Variants in SOX5 observed in about 807,000 individuals in gnomAD.
SOX5 encodes SRY-box transcription factor 5.
Under a neutral mutation model 92.0 loss-of-function variants are expected in SOX5, and 9 were observed. The ratio of observed to expected loss-of-function variants is 0.10; its 90% CI spans 0.06 to 0.17. The LOEUF is 0.17. Ranked by LOEUF, SOX5 falls within the 10% of genes least tolerant of loss-of-function variation. SOX5 has a pLI of 1.00. For missense variants in SOX5, 642 were observed against 944.5 expected (o/e 0.68, Z 4.20); for synonymous variants, 344 against 336.3 (o/e 1.02, Z -0.25).
chr12:24,103,152 C>G (rs1946283723), intron 4 of SOX5, among the ~76,000 whole-genome samples: 1 of 151,982 alleles, frequency 6.6e-6, no homozygotes, highest in South Asian at 2.1e-4. Flanking sequence ...TAAAGTATGC[C>G]TCTAATTGTT....
intron 2 of SOX5, among the ~76,000 whole-genome samples, chr12:24,364,240 C>A (rs890085196): frequency 1.3e-5 from 2 of 151,950 alleles, no homozygotes; most frequent in African/African-American, 4.8e-5. Flanking sequence ...TCATTCTGCT[C>A]CTTAAAAGCC....
At chr12:23,850,961 T>C (rs938872345) in intron 2 of SOX5, among the ~76,000 whole-genome samples, 2 of 152,188 alleles carry the variant, frequency 1.3e-5, no homozygotes, top group Non-Finnish European at 2.9e-5. Context: ...TGAACTCTTA[T>C]GAACCATGGA....
intron 1 of SOX5, among the ~76,000 whole-genome samples, chr12:24,450,139 T>C (rs1942058270): frequency 6.6e-6 from 1 of 152,206 alleles, no homozygotes; most frequent in Admixed American, 6.5e-5. Context: ...GGACTTGAGA[T>C]AATTTATGAA....
At chr12:23,845,624 T>C (rs1377454977) in intron 3 of SOX5, among the ~76,000 whole-genome samples, 1 of 144,100 alleles carries the variant, frequency 6.9e-6, no homozygotes, top group African/African-American at 2.6e-5. Flanking sequence ...TGTAGTGAAA[T>C]TCTACATTAA....
intron 2 of SOX5, among the ~76,000 whole-genome samples, chr12:24,362,193 G>A (rs1182762374): frequency 6.6e-6 from 1 of 152,170 alleles, no homozygotes; most frequent in East Asian, 1.9e-4. Flanking sequence ...CATGCACCAG[G>A]ATAGCTCCAG....
At chr12:24,183,445 T>C (rs1955708495) in intron 4 of SOX5, among the ~76,000 whole-genome samples, 1 of 152,196 alleles carries the variant, frequency 6.6e-6, no homozygotes, top group Non-Finnish European at 1.5e-5. Context: ...GCTATTATGT[T>C]GCCAGTGTAC....
At chr12:23,781,226 C>T (rs1034344596) in intron 3 of SOX5, among the ~76,000 whole-genome samples, 1 of 151,638 alleles carries the variant, frequency 6.6e-6, no homozygotes, top group African/African-American at 2.4e-5. Flanking sequence ...TTCTTTCATG[C>T]TTTTAATGGA....
At chr12:24,237,736 C>T (rs1964790304) in intron 3 of SOX5, 1 of 152,082 alleles carries the variant, frequency 6.6e-6, no homozygotes, top group Non-Finnish European at 1.5e-5. Context: ...TTACTTATTT[C>T]ATGTGTATTA....
chr12:24,217,812 A>T (rs1215525427), intron 3 of SOX5, among the ~76,000 whole-genome samples: 1 of 152,248 alleles, frequency 6.6e-6, no homozygotes, highest in Non-Finnish European at 1.5e-5. Context: ...AAAGTCAAAT[A>T]ACTAATTTAA....
At chr12:23,696,520 T>A (rs1392963754) in intron 6 of SOX5, among the ~76,000 whole-genome samples, 2 of 152,172 alleles carry the variant, frequency 1.3e-5, no homozygotes, top group Non-Finnish European at 2.9e-5. Context: ...TCCTGAATTG[T>A]CTAGCTAGAG....
chr12:23,982,042 T>G (rs1442469267), intron 4 of SOX5, among the ~76,000 whole-genome samples: 1 of 152,176 alleles, frequency 6.6e-6, no homozygotes, highest in Non-Finnish European at 1.5e-5. Flanking sequence ...ATCCAGAATA[T>G]TCTGTGAAGT....
At chr12:23,909,249 GC>G (rs1156423700) in intron 1 of SOX5, among the ~76,000 whole-genome samples, 1 of 152,140 alleles carries the variant, frequency 6.6e-6, no homozygotes, top group Non-Finnish European at 1.5e-5. Context: ...GAAGTAAATA[GC>G]TTTTCCTGTA....
At chr12:24,437,423 T>C (rs1939659668) in intron 1 of SOX5, among the ~76,000 whole-genome samples, 1 of 152,176 alleles carries the variant, frequency 6.6e-6, no homozygotes, top group South Asian at 2.1e-4. Context: ...AAAGACTTCA[T>C]GACTAAAACA....
At chr12:23,997,115 A>G (rs997631205) in intron 4 of SOX5, among the ~76,000 whole-genome samples, 1 of 152,232 alleles carries the variant, frequency 6.6e-6, no homozygotes, top group Non-Finnish European at 1.5e-5. Flanking sequence ...GATTAAAGAC[A>G]TAGAAAAAAA....
intron 1 of SOX5, among the ~76,000 whole-genome samples, chr12:24,376,353 G>A (rs1824629661): frequency 6.6e-6 from 1 of 152,142 alleles, no homozygotes; most frequent in Non-Finnish European, 1.5e-5. Context: ...ATCTTTCAGG[G>A]TATTACGTTA....
intron 3 of SOX5, among the ~76,000 whole-genome samples, chr12:23,782,734 A>T (rs570097968): frequency 1.0e-3 from 156 of 152,296 alleles, no homozygotes; most frequent in Non-Finnish European, 1.4e-3. Flanking sequence ...ACAGGAAGAG[A>T]AATGTTTGTC....
At chr12:24,304,870 G>A (rs985842831) in intron 2 of SOX5, among the ~76,000 whole-genome samples, 2 of 152,062 alleles carry the variant, frequency 1.3e-5, no homozygotes, top group Non-Finnish European at 2.9e-5. Context: ...CGTGGTCATC[G>A]TCACTGCTGA....
At position 23,570,960 on chromosome 12, in the gene SOX5, TA is replaced by T. The variant is rs1565915913; in HGVS notation, c.1342+4700del. 8.1e-4 allele frequency among the ~76,000 whole-genome samples: 70 copies of T among 86,500 alleles called. 5 individuals are homozygous for T. The highest frequency in any genetic ancestry group is 1.2e-3 in the Non-Finnish European group (51 of 41,706). 56.7% of individuals were successfully genotyped at this position (86,500 alleles called of 152,430 possible). On this transcript the variant is annotated intron_variant, in intron 10 of 14. Transcript: ENST00000451604. ...ATATATATATATATATATATATATA[TA>T]TATATATATATATATATATATATTT...
intron 2 of SOX5, among the ~76,000 whole-genome samples, chr12:24,347,675 A>G (rs1362029259): frequency 6.6e-6 from 1 of 152,218 alleles, no homozygotes; most frequent in Non-Finnish European, 1.5e-5. Flanking sequence ...ATACTTAAGA[A>G]AATGTATCTA....
Sources: gnomAD v4.1 joint callset for allele counts (sites outside exome capture counted in the v4.1 genomes callset) on GRCh38, gnomAD v4.1.1 for gene constraint, MANE v1.5 for transcripts, NCBI Gene and HGNC (gene_info 2026-07-23, HGNC 2026-07-21) for gene names.